Variants in HOGA1 observed in about 807,000 individuals in gnomAD.
HOGA1 encodes 4-hydroxy-2-oxoglutarate aldolase, mitochondrial.
In HOGA1, 30 loss-of-function variants were observed where a neutral mutation model predicts 34.3. The observed-to-expected ratio is 0.87, with a 90% CI of 0.65 to 1.19. HOGA1 has a LOEUF of 1.19. Among genes scored for constraint, HOGA1 ranks in the 50% most tolerant of loss-of-function variants. The pLI is 0.00. For missense variants in HOGA1, 417 were observed against 436.5 expected, an observed-to-expected ratio of 0.96 and a Z score of 0.40; for synonymous variants, 161 against 174.0, an observed-to-expected ratio of 0.93 and a Z score of 0.59.
In HOGA1 at chr10:97,599,812, G is replaced by A. The variant is rs757059221; in HGVS notation, c.601G>A (p.Asp201Asn). The change falls in exon 4 of 7, where the codon GAT becomes AAT. Residue 201 changes from aspartate to asparagine, a missense_variant and splice_region_variant. Physicochemically the swap from Asp to Asn is conservative, Grantham distance 23. Coordinates refer to ENST00000370646, the MANE Select transcript of HOGA1 (RefSeq NM_138413.4). ...NIVGMKDSGGDVTRIGLIVHK... is the reference protein window; with the variant it reads ...NIVGMKDSGGNVTRIGLIVHK... The stretch of plus-strand genomic sequence containing the variant: ...TGTGGGCATGAAGGACAGCGGTGGT[G>A]ATGTGAGTGGCAGCAGCTCCGGGGC... 3.7e-6 allele frequency: 6 copies of A among 1,614,068 alleles called. No individual in the cohort carries two copies. Among genetic ancestry groups the A allele is most frequent in the Non-Finnish European group, 5.1e-6 (6 of 1,180,042 alleles).
intron 1 of HOGA1, among the ~76,000 whole-genome samples, chr10:97,596,196 C>G (rs1213807562): frequency 1.3e-5 from 2 of 152,192 alleles, no homozygotes; most frequent in East Asian, 3.8e-4. Flanking sequence ...CAGTTGCCCC[C>G]TTCAATGAGA....
chr10:97,611,391 G>A, intron 6 of HOGA1, 119 bp from the exon 7 acceptor site: 1 of 1,195,698 alleles, frequency 8.4e-7, no homozygotes, highest in Non-Finnish European at 1.2e-6. Flanking sequence ...AGAGTTGGCA[G>A]TTACTTTCCT....
intron 6 of HOGA1, among the ~76,000 whole-genome samples, chr10:97,606,805 G>A (rs1372927081): frequency 1.3e-5 from 2 of 152,124 alleles, no homozygotes; most frequent in African/African-American, 2.4e-5. Context: ...GCCTTTGATC[G>A]AAATTGCGTT....
At chr10:97,589,648 T>G in intron 1 of HOGA1, 2 of 308,586 alleles carry the variant, frequency 6.5e-6, no homozygotes, top group Non-Finnish European at 6.3e-6. Flanking sequence ...CGCAACTGCC[T>G]TCCTCACAAT....
intron 1 of HOGA1, chr10:97,590,287 C>T (rs769587708): frequency 6.2e-7 from 1 of 1,613,770 alleles, no homozygotes; most frequent in Non-Finnish European, 8.5e-7. Flanking sequence ...TGGCTGCCTG[C>T]ACCAAGGAGA....
chr10:97,610,329 A>G (rs2041185629), intron 6 of HOGA1, among the ~76,000 whole-genome samples: 4 of 152,040 alleles, frequency 2.6e-5, no homozygotes, highest in African/African-American at 7.2e-5. Context: ...TTAGCCAGGC[A>G]TGCTGTCATG....
chr10:97,610,543 G>C (rs1038380846), intron 6 of HOGA1, among the ~76,000 whole-genome samples: 1 of 152,168 alleles, frequency 6.6e-6, no homozygotes, highest in African/African-American at 2.4e-5. Flanking sequence ...CTAGCACTTT[G>C]GGAGGCCGAG....
chr10:97,600,098 C>A lies in HOGA1; in HGVS notation c.635C>A (p.Thr212Asn), dbSNP rs746545018. 3 of 1,614,170 alleles carry A rather than the reference C, an allele frequency of 1.9e-6. No homozygotes were observed. The highest frequency in any genetic ancestry group is 8.5e-7 in the Non-Finnish European group (1 of 1,180,032). The change falls in exon 5 of 7, where the codon ACC (threonine) becomes AAC (asparagine). Residue 212 changes from threonine (T) to asparagine (N), a missense_variant. Transcript: ENST00000370646. ...VTRIGLIVHK[T>N]RKQDFQVLAG... is the part of the protein sequence containing the mutation. ...AGGATTGGGCTGATTGTTCACAAGA[C>A]CAGGAAGCAGGATTTTCAGGTGTTG...
chr10:97,590,621 C>G, intron 1 of HOGA1: 1 of 1,562,232 alleles, frequency 6.4e-7, no homozygotes, highest in Non-Finnish European at 8.7e-7. Context: ...GCCCCTGCCC[C>G]CAGCAAGGCT....
rs763045395 is a variant in HOGA1, at chr10:97,611,670, G to C, written c.*11G>C. On this transcript the variant is annotated 3_prime_UTR_variant, in exon 7 of 7. Coordinates refer to ENST00000370646, the MANE Select transcript of HOGA1 (RefSeq NM_138413.4). ...AACGGCTGGCTCTGAGGGCAGGCAG[G>C]GTCCATGGCTGGCCTGAGCCCATCT... 77 of 1,610,356 alleles carry C rather than the reference G, an allele frequency of 4.8e-5. No individual in the cohort carries two copies. Among genetic ancestry groups the C allele is most frequent in the Admixed American group, 3.0e-4 (18 of 59,572 alleles).
rs141993402 is a variant in HOGA1 at position 97,584,871 on chromosome 10, A to G, written c.168A>G (p.Lys56=). The change falls in exon 1 of 7, where the codon AAA becomes AAG. Residue 56 remains lysine, a synonymous_variant. Transcript: ENST00000370646. Reference sequence around the variant, plus strand: ...CCACTGCAGAGGTGGACTATGGGAAACTGGAGGAGAATCTGCACAAACTGG... The same window carrying G: ...CCACTGCAGAGGTGGACTATGGGAAGCTGGAGGAGAATCTGCACAAACTGG... ...FTATAEVDYG[K]LEENLHKLGT... 6.2e-7 allele frequency: 1 copy of G among 1,614,058 alleles called. No homozygotes were observed. The highest frequency in any genetic ancestry group is 1.3e-5 in the African/African-American group (1 of 74,918).
rs2041206041 is a variant in HOGA1, at chr10:97,612,546, C to G, written c.*887C>G. On this transcript the variant is annotated 3_prime_UTR_variant, in exon 7 of 7. Coordinates refer to ENST00000370646, the MANE Select transcript of HOGA1 (RefSeq NM_138413.4). ...CAACGCCCTTTTCTAAATCTATTTT[C>G]ATTCATCTCCTATTCTGGTCTGTAG... 6.6e-6 allele frequency: 1 copy of G among 152,342 alleles called. No homozygotes were observed. The highest frequency in any genetic ancestry group is 2.1e-4 in the South Asian group (1 of 4,828). 9.4% of individuals were successfully genotyped at this position (152,342 alleles called of 1,614,324 possible).
chr10:97,591,943 G>C (rs542591082), intron 1 of HOGA1, among the ~76,000 whole-genome samples: 14 of 149,232 alleles, frequency 9.4e-5, no homozygotes, highest in Admixed American at 2.7e-4. Context: ...GGTTCATGCG[G>C]TTCTCATGCC....
intron 1 of HOGA1, among the ~76,000 whole-genome samples, chr10:97,588,724 A>G (rs910756194): frequency 2.0e-5 from 3 of 152,352 alleles, no homozygotes; most frequent in South Asian, 2.1e-4. Context: ...CCTTCCATAC[A>G]TAGAGTGGAC....
At chr10:97,590,688 A>G in intron 1 of HOGA1, 1 of 957,388 alleles carries the variant, frequency 1.0e-6, no homozygotes, top group Non-Finnish European at 1.6e-6. Context: ...GGCCAGGGTG[A>G]GATGCTGTGC....
chr10:97,608,557 C>A (rs972033657), intron 6 of HOGA1, among the ~76,000 whole-genome samples: 4 of 152,108 alleles, frequency 2.6e-5, no homozygotes, highest in African/African-American at 9.7e-5. Context: ...GTAATCCCAG[C>A]ACTTTGGGAG....
chr10:97,610,325 A>C (rs1402774610), intron 6 of HOGA1, among the ~76,000 whole-genome samples: 1 of 152,036 alleles, frequency 6.6e-6, no homozygotes, highest in Non-Finnish European at 1.5e-5. Flanking sequence ...AAAATTAGCC[A>C]GGCATGCTGT....
intron 1 of HOGA1, among the ~76,000 whole-genome samples, chr10:97,587,972 G>A (rs1403723242): frequency 6.6e-6 from 1 of 151,472 alleles, no homozygotes; most frequent in African/African-American, 2.4e-5. Flanking sequence ...CACTATACCC[G>A]GCTAATTTTT....
At chr10:97,602,400 T>C in intron 6 of HOGA1, 1 of 985,276 alleles carries the variant, frequency 1.0e-6, no homozygotes, top group African/African-American at 1.7e-5. Flanking sequence ...TAGGAATGAC[T>C]GGGGCTGGCA....
Sources: gnomAD v4.1 joint callset for allele counts (sites outside exome capture counted in the v4.1 genomes callset) on GRCh38, gnomAD v4.1.1 for gene constraint, MANE v1.5 for transcripts, NCBI Gene and HGNC (gene_info 2026-07-23, HGNC 2026-07-21) for gene names.